ADAM7: variants seen among roughly 807,000 people sequenced by gnomAD.
ADAM7 encodes disintegrin and metalloproteinase domain-containing protein 7.
In ADAM7, 97 loss-of-function variants were observed where a neutral mutation model predicts 102.9. The ratio of observed to expected loss-of-function variants is 0.94; its 90% confidence interval spans 0.80 to 1.12. The LOEUF (loss-of-function observed/expected upper bound fraction) is 1.12, where lower values mean the gene tolerates loss of function less well. ADAM7 is among the 50% of genes most tolerant of loss of function. The pLI, the probability that ADAM7 is intolerant of heterozygous loss-of-function variation, is 0.00. For missense variants in ADAM7, 991 were observed against 908.7 expected, an observed-to-expected ratio of 1.09 and a Z score of -1.16; for synonymous variants, 334 against 304.4, an observed-to-expected ratio of 1.10 and a Z score of -1.01.
chr8:24,479,479 T>C (rs192386515), intron 8 of ADAM7, among the ~76,000 whole-genome samples: 3 of 152,264 alleles, frequency 2.0e-5, no homozygotes, highest in Non-Finnish European at 2.9e-5. Context: ...TTTTGTTCCT[T>C]GAGGGAAAGA....
At chr8:24,486,687 G>A (rs1487039664) in intron 10 of ADAM7, among the ~76,000 whole-genome samples, 1 of 152,136 alleles carries the variant, frequency 6.6e-6, no homozygotes, top group Non-Finnish European at 1.5e-5. Flanking sequence ...CCTTCTTGCT[G>A]TGTCCTGACC....
chr8:24,464,331 C>T (rs936069372), intron 4 of ADAM7, among the ~76,000 whole-genome samples: 1 of 152,174 alleles, frequency 6.6e-6, no homozygotes, highest in African/African-American at 2.4e-5. Flanking sequence ...TTTAAAATCT[C>T]CATTAATTGA....
At chr8:24,479,481 A>T (rs978518174) in intron 8 of ADAM7, among the ~76,000 whole-genome samples, 12 of 152,074 alleles carry the variant, frequency 7.9e-5, no homozygotes, top group African/African-American at 1.7e-4. Context: ...TTGTTCCTTG[A>T]GGGAAAGAGT....
At chr8:24,505,967 G>T in intron 20 of ADAM7, 1 of 701,382 alleles carries the variant, frequency 1.4e-6, no homozygotes, top group Admixed American at 2.5e-5. Flanking sequence ...TTGTCTTATA[G>T]ACAGGCCCTG....
At chr8:24,489,135 A>G in intron 11 of ADAM7, 24 bp from the exon 12 acceptor site, 1 of 1,586,498 alleles carries the variant, frequency 6.3e-7, no homozygotes, top group Non-Finnish European at 8.6e-7. Flanking sequence ...ATTAATCTTT[A>G]TTTTTACCTC....
chr8:24,442,565 G>T lies in ADAM7; in HGVS notation c.145G>T (p.Asp49Tyr). 1 of 1,613,270 alleles carries T rather than the reference G, an allele frequency of 6.2e-7. No individual in the cohort carries two copies. The highest frequency in any genetic ancestry group is 1.1e-5 in the South Asian group (1 of 91,046). ...GCGAGATACTGGACACACCCATGAT[G>T]ATGACATACTGGTACAAGTTTTGAT... is the stretch of plus-strand genomic sequence containing the variant. ...QKRDTGHTHD[D>Y]DILKTYEEEL... Residue 49 changes from aspartate to tyrosine, a missense_variant, in exon 2 of 22, where the codon GAT becomes TAT. Coordinates refer to ENST00000175238, the MANE Select transcript of ADAM7 (RefSeq NM_003817.4).
At chr8:24,449,269 A>C (rs1464743104) in intron 3 of ADAM7, among the ~76,000 whole-genome samples, 2 of 152,182 alleles carry the variant, frequency 1.3e-5, no homozygotes, top group African/African-American at 4.8e-5. Context: ...AGTCCCACCA[A>C]CAATGTAAAA....
chr8:24,463,236 T>C (rs573392671), intron 3 of ADAM7, among the ~76,000 whole-genome samples: 2 of 152,286 alleles, frequency 1.3e-5, no homozygotes, highest in South Asian at 2.1e-4. Flanking sequence ...AAGATTCTTA[T>C]GTTCAGGTTG....
intron 20 of ADAM7, among the ~76,000 whole-genome samples, chr8:24,506,753 GCACA>G (rs71549838): frequency 0.045 from 6,502 of 144,028 alleles, 193 homozygotes; most frequent in East Asian, 0.15. Context: ...CTGAGTCAAA[GCACA>G]CACACACACA....
intron 16 of ADAM7, among the ~76,000 whole-genome samples, chr8:24,494,949 C>T (rs59411872): frequency 0.036 from 5,454 of 152,284 alleles, 337 homozygotes; most frequent in African/African-American, 0.12. Context: ...GAAGCCTAGA[C>T]TTCCATTTTC....
intron 4 of ADAM7, among the ~76,000 whole-genome samples, chr8:24,464,651 A>T (rs1300939156): frequency 6.6e-6 from 1 of 152,248 alleles, no homozygotes. Flanking sequence ...GCCAGGCTGG[A>T]GCGCAGTGGT....
At chr8:24,450,305 T>C (rs1818732486) in intron 3 of ADAM7, among the ~76,000 whole-genome samples, 1 of 152,222 alleles carries the variant, frequency 6.6e-6, no homozygotes, top group Non-Finnish European at 1.5e-5. Context: ...TTCCATTTCT[T>C]TGTATCCTCT....
chr8:24,496,697 G>A (rs1366532235), intron 16 of ADAM7, among the ~76,000 whole-genome samples: 1 of 152,206 alleles, frequency 6.6e-6, no homozygotes, highest in African/African-American at 2.4e-5. Flanking sequence ...GGGCCTATTA[G>A]CCCCTTTGTT....
intron 20 of ADAM7, chr8:24,505,973 C>A: frequency 1.4e-6 from 1 of 737,190 alleles, no homozygotes. Context: ...TATAGACAGG[C>A]CCTGAGATAG....
rs1820398258 is a variant in ADAM7 at position 24,492,512 on chromosome 8, G to A, written c.1570G>A (p.Asp524Asn). ...TACCCCAGAGGCAATAGAGAGTCAT[G>A]ATATCTGCTACAAGATGAATACAAA... ...LFDDEAIESH[D>N]ICYKMNTKGN... The change falls in exon 15 of 22, where the codon GAT becomes AAT. Residue 524 changes from aspartate (D) to asparagine (N), a missense_variant. Transcript: ENST00000175238. 1 of 1,609,990 alleles carries A rather than the reference G, an allele frequency of 6.2e-7. No individual in the cohort carries two copies. Among genetic ancestry groups the A allele is most frequent in the Non-Finnish European group, 8.5e-7 (1 of 1,177,860 alleles).
rs1478074682 is a variant in ADAM7, at chr8:24,493,076, A to C, written c.1689A>C (p.Gly563=). Residue 563 remains glycine, a synonymous_variant, in exon 16 of 22, where the codon GGA becomes GGC. Transcript: ENST00000175238. The part of the protein sequence containing the change: ...DVRCGKIYCT[G]GELSSLLGED... ...GATGTGGAAAGATCTACTGCACTGG[A>C]GGGGAGCTTTCCTCTCTCCTTGGAG... 1 of 1,608,874 alleles carries C rather than the reference A, an allele frequency of 6.2e-7. No homozygotes were observed. Among genetic ancestry groups the C allele is most frequent in the South Asian group, 1.1e-5 (1 of 90,138 alleles).
intron 3 of ADAM7, among the ~76,000 whole-genome samples, chr8:24,452,196 G>T (rs1343597957): frequency 3.7e-4 from 54 of 147,036 alleles, no homozygotes; most frequent in South Asian, 6.7e-4. Flanking sequence ...TTCAATTCCT[G>T]GGTATCCTTG....
At chr8:24,454,363 G>C (rs540327809) in intron 3 of ADAM7, among the ~76,000 whole-genome samples, 1 of 152,168 alleles carries the variant, frequency 6.6e-6, no homozygotes, top group Non-Finnish European at 1.5e-5. Context: ...AATGGCGGGC[G>C]CCCCTCCCCC....
chr8:24,496,913 A>T (rs1000636715), intron 16 of ADAM7, among the ~76,000 whole-genome samples: 1 of 152,076 alleles, frequency 6.6e-6, no homozygotes, highest in African/African-American at 2.4e-5. Flanking sequence ...GGAAGGCATG[A>T]TTGGTTTTAA....
Sources: gnomAD v4.1 joint callset for allele counts (sites outside exome capture counted in the v4.1 genomes callset) on GRCh38, gnomAD v4.1.1 for gene constraint, MANE v1.5 for transcripts, NCBI Gene and HGNC (gene_info 2026-07-23, HGNC 2026-07-21) for gene names.